Variants in PCCA observed in about 807,000 individuals in gnomAD.
PCCA encodes propionyl-CoA carboxylase alpha chain, mitochondrial.
Under a neutral mutation model 101.3 loss-of-function variants are expected in PCCA, and 74 were observed. The ratio of observed to expected loss-of-function variants is 0.73; its 90% CI spans 0.61 to 0.89. The LOEUF (loss-of-function observed/expected upper bound fraction) is 0.89. Among genes scored for constraint, PCCA ranks in the 40% least tolerant of loss-of-function variants. PCCA has a pLI of 0.00. For synonymous variants in PCCA, 294 were observed against 313.6 expected (o/e 0.94, Z 0.66); for missense variants, 891 against 907.0 (o/e 0.98, Z 0.23).
At chr13:100,448,217 T>A (rs2080977852) in intron 20 of PCCA, among the ~76,000 whole-genome samples, 2 of 151,956 alleles carry the variant, frequency 1.3e-5, no homozygotes, top group African/African-American at 4.8e-5. Context: ...TGAGACGGAG[T>A]CTCACTGTCA....
At chr13:100,350,666 T>G (rs1888839) in intron 18 of PCCA, among the ~76,000 whole-genome samples, 107,412 of 152,124 alleles carry the variant, frequency 0.71, 38,339 homozygotes, top group Middle Eastern at 0.8. Flanking sequence ...GATCCTACTA[T>G]AAGAGCTGAG....
chr13:100,142,165 G>C (rs2051956487), intron 4 of PCCA, among the ~76,000 whole-genome samples: 1 of 151,746 alleles, frequency 6.6e-6, no homozygotes, highest in African/African-American at 2.4e-5. Context: ...TCTACCTTGT[G>C]CTGTCCAGAT....
chr13:100,260,378 G>A (rs2062402833), intron 9 of PCCA, among the ~76,000 whole-genome samples: 1 of 31,964 alleles, frequency 3.1e-5, no homozygotes, highest in Admixed American at 5.5e-4. Context: ...AAGCAAATTA[G>A]TTGTGTGTGT....
At chr13:100,449,356 C>A in intron 21 of PCCA, 51 bp downstream of exon 21, 1 of 1,099,746 alleles carries the variant, frequency 9.1e-7, no homozygotes, top group South Asian at 1.4e-5. Context: ...AAAAAATGTT[C>A]AACTAGTTGT....
At position 100,111,702 on chromosome 13, in the gene PCCA, G is replaced by A. The variant is rs1048395602; in HGVS notation, c.184-139G>A. On this transcript the variant is annotated intron_variant, in intron 2 of 23. Coordinates refer to ENST00000376285, the MANE Select transcript of PCCA (RefSeq NM_000282.4). ...ATTTAATATTACTGTAAGTAATATA[G>A]TATTTAATGTTACTCTAGGAAGTAA... is the stretch of plus-strand genomic sequence containing the variant. 3 of 643,890 alleles carry A rather than the reference G, an allele frequency of 4.7e-6. No homozygotes were observed. The African/African-American group carries it at 5.5e-5, about 12-fold the overall frequency. 39.9% of individuals were successfully genotyped at this position (643,890 alleles called of 1,614,324 possible). A position where few individuals can be genotyped will look rare whatever the true frequency, so the allele number is the denominator to read the frequency against.
At chr13:100,319,034 G>C (rs933135560) in intron 16 of PCCA, among the ~76,000 whole-genome samples, 39 of 152,284 alleles carry the variant, frequency 2.6e-4, no homozygotes, top group Middle Eastern at 3.4e-3. Context: ...ATTCTAACTG[G>C]TGTGAGATGG....
rs569333891 is a variant in PCCA at position 100,186,480 on chromosome 13, TG to T, written c.469-22851del. Among the ~76,000 whole-genome samples, 306 of 152,220 alleles carry T rather than the reference TG, an allele frequency of 2.0e-3. 2 individuals are homozygous for T. Among genetic ancestry groups the T allele is most frequent in the African/African-American group, 7.0e-3 (291 of 41,550 alleles). The stretch of plus-strand genomic sequence containing the variant: ...AATAGGGGCCGGGCGTGGTGGCTCA[TG>T]CCTGTAATCCAGCACTCTGGGAGGT... On this transcript the variant is annotated intron_variant, in intron 6 of 23. Transcript: ENST00000376285.
chr13:100,279,290 CTG>C (rs1269367285), intron 12 of PCCA, among the ~76,000 whole-genome samples: 1 of 152,124 alleles, frequency 6.6e-6, no homozygotes, highest in African/African-American at 2.4e-5. Flanking sequence ...CTTCCAGTGA[CTG>C]TGATCCTGTC....
intron 21 of PCCA, among the ~76,000 whole-genome samples, chr13:100,482,026 C>T (rs1004726076): frequency 2.0e-5 from 3 of 152,138 alleles, no homozygotes; most frequent in African/African-American, 4.8e-5. Context: ...ATAATATATG[C>T]TTTGTCTTAG....
At chr13:100,459,255 A>T (rs780491798) in intron 21 of PCCA, among the ~76,000 whole-genome samples, 1 of 152,190 alleles carries the variant, frequency 6.6e-6, no homozygotes, top group Non-Finnish European at 1.5e-5. Context: ...CTATTTCCAA[A>T]TAAGGTCACA....
intron 4 of PCCA, among the ~76,000 whole-genome samples, chr13:100,152,709 G>A (rs906164708): frequency 2.6e-5 from 4 of 152,102 alleles, no homozygotes; most frequent in Non-Finnish European, 4.4e-5. Context: ...GCCTCCCAAA[G>A]TGCTGGGATT....
intron 7 of PCCA, among the ~76,000 whole-genome samples, chr13:100,228,803 G>A (rs2152509667): frequency 6.6e-6 from 1 of 151,682 alleles, no homozygotes; most frequent in Non-Finnish European, 1.5e-5. Context: ...GGGAGGCTGA[G>A]GCAGGAGAAT....
At chr13:100,109,049 T>C (rs982485949) in intron 2 of PCCA, among the ~76,000 whole-genome samples, 4 of 152,172 alleles carry the variant, frequency 2.6e-5, no homozygotes, top group African/African-American at 4.8e-5. Context: ...TGTTATAGCT[T>C]TTCCCCAGTT....
rs371552295 is a variant in PCCA at position 100,355,200 on chromosome 13, A to C, written c.1644-13272A>C. The stretch of plus-strand genomic sequence containing the variant: ...TACATCATATTAATAGAATAAGAGA[A>C]AAAAACCACAGGATTATCTCAAATG... On this transcript the variant is annotated intron_variant, in intron 18 of 23. Coordinates refer to ENST00000376285, the MANE Select transcript of PCCA (RefSeq NM_000282.4). Among the ~76,000 whole-genome samples, 150 of 152,270 alleles carry C rather than the reference A, an allele frequency of 9.9e-4. 4 individuals carry two copies. In the South Asian group the frequency reaches 0.028, roughly 29 times the overall value.
intron 4 of PCCA, among the ~76,000 whole-genome samples, chr13:100,146,574 C>CA (rs34460515): frequency 0.08 from 7,789 of 97,720 alleles, 626 homozygotes; most frequent in African/African-American, 0.24. Context: ...GACTCTGTCT[C>CA]AAAAAAAAAA....
chr13:100,147,101 A>G (rs2052671996), intron 4 of PCCA, among the ~76,000 whole-genome samples: 1 of 152,186 alleles, frequency 6.6e-6, no homozygotes, highest in African/African-American at 2.4e-5. Flanking sequence ...AACATGAAAT[A>G]AAACTCTGCA....
chr13:100,449,136 A>G (rs761386492), intron 20 of PCCA, 116 bp from the exon 21 acceptor site: 9 of 624,996 alleles, frequency 1.4e-5, no homozygotes, highest in Admixed American at 2.8e-5. Context: ...TGGCTATACT[A>G]TATTTTGTTT....
At chr13:100,233,953 T>G (rs929663656) in intron 7 of PCCA, among the ~76,000 whole-genome samples, 2 of 152,214 alleles carry the variant, frequency 1.3e-5, no homozygotes, top group Non-Finnish European at 2.9e-5. Flanking sequence ...TTCAAATAAG[T>G]GACAAAATAT....
chr13:100,515,702 AT>A, intron 22 of PCCA, 135 bp downstream of exon 22: 1 of 1,008,046 alleles, frequency 9.9e-7, no homozygotes, highest in Non-Finnish European at 1.5e-6. Context: ...AGCAAAATCG[AT>A]TGCGTGTGTT....
Sources: allele counts gnomAD v4.1 joint callset (sites outside exome capture counted in the v4.1 genomes callset), GRCh38; gene constraint gnomAD v4.1.1; transcripts MANE v1.5; gene names NCBI Gene and HGNC (gene_info 2026-07-23, HGNC 2026-07-21).